CCDC141: variants seen among roughly 807,000 people sequenced by gnomAD.
The protein encoded by CCDC141 is coiled-coil domain-containing protein 141.
CCDC141 carries 168 observed loss-of-function variants against 181.0 expected under a neutral mutation model. That is an observed-to-expected ratio of 0.93 (90% CI 0.82 to 1.05). CCDC141 has a LOEUF of 1.05. CCDC141 is among the 50% of genes least tolerant of loss of function. The probability of loss-of-function intolerance (pLI) is 0.00; values close to 1 mark genes in which losing one functional copy is unlikely to be tolerated. For missense variants in CCDC141, 1,902 were observed against 1,788.5 expected (o/e 1.06, Z -1.14); for synonymous variants, 666 against 642.3 (o/e 1.04, Z -0.56).
At chr2:179,006,568 C>T (rs2042128463) in intron 2 of CCDC141, among the ~76,000 whole-genome samples, 1 of 152,216 alleles carries the variant, frequency 6.6e-6, no homozygotes. Context: ...TGAGTATTTA[C>T]CATTTGCAAG....
At chr2:178,966,952 G>A (rs1690667116) in intron 4 of CCDC141, among the ~76,000 whole-genome samples, 2 of 151,760 alleles carry the variant, frequency 1.3e-5, no homozygotes, top group Admixed American at 1.3e-4. Flanking sequence ...ACTTCGTGAA[G>A]CATACACAAG....
rs146638125 is a variant in CCDC141, at chr2:178,954,133, C to T, written c.780+7097G>A. Among the ~76,000 whole-genome samples, 3 of 152,264 alleles carry T rather than the reference C, an allele frequency of 2.0e-5. No homozygotes were observed. The East Asian group carries it at 5.8e-4, about 29-fold the overall frequency. On this transcript the variant is annotated intron_variant, in intron 5 of 23. Transcript: ENST00000443758. ...TTCTCCTAGACGTCCTTGACACTGT[C>T]GTGTACGCAGAGACCATGAATAGCT...
chr2:178,979,007 GA>G (rs1691248179), intron 2 of CCDC141, among the ~76,000 whole-genome samples: 1 of 152,020 alleles, frequency 6.6e-6, no homozygotes, highest in African/African-American at 2.4e-5. Context: ...AAAGTAATAA[GA>G]ACACACCCTG....
intron 8 of CCDC141, among the ~76,000 whole-genome samples, chr2:178,894,160 T>C (rs762665150): frequency 1.3e-5 from 2 of 152,104 alleles, no homozygotes; most frequent in Admixed American, 6.6e-5. Context: ...TCTTCTGGTT[T>C]CCTGACTGCA....
chr2:179,019,751 ATATTTATTATT>A (rs1265462321), intron 2 of CCDC141, among the ~76,000 whole-genome samples: 6 of 151,980 alleles, frequency 3.9e-5, no homozygotes, highest in African/African-American at 1.4e-4. Context: ...ATTTTTATAA[ATATTTATTATT>A]TATTTATTTT....
intron 5 of CCDC141, among the ~76,000 whole-genome samples, chr2:178,953,423 C>T (rs534063566): frequency 2.5e-4 from 37 of 147,032 alleles, no homozygotes; most frequent in Non-Finnish European, 4.8e-4. Context: ...GGCAACAGAG[C>T]GAGACTCCCT....
the CCDC141 span, among the ~76,000 whole-genome samples, chr2:178,816,130 C>A: frequency 6.6e-6 from 1 of 152,112 alleles, no homozygotes; most frequent in Non-Finnish European, 1.5e-5. Flanking sequence ...TGACATGTAT[C>A]CACCATTGCA....
At chr2:179,018,039 ACTT>A (rs1186555902) in intron 2 of CCDC141, among the ~76,000 whole-genome samples, 1 of 152,160 alleles carries the variant, frequency 6.6e-6, no homozygotes, top group African/African-American at 2.4e-5. Context: ...AAAAGACACT[ACTT>A]CCCTTTTGCT....
At position 179,015,371 on chromosome 2, in the gene CCDC141, T is replaced by TCATACATATCC. The variant is rs2042452806; in HGVS notation, c.225+31912_225+31913insGGATATGTATG. On this transcript the variant is annotated intron_variant, in intron 2 of 23. Coordinates refer to ENST00000443758, the MANE Select transcript of CCDC141 (RefSeq NM_173648.4). ...GTATCATACATATCCCATATATGTA[T>TCATACATATCC]CATATATATCTCATATATGTATCAT... Among the ~76,000 whole-genome samples, 7 of 140,352 alleles carry TCATACATATCC rather than the reference T, an allele frequency of 5.0e-5. No individual in the cohort carries two copies. The Admixed American group carries it at 5.3e-4, about 11-fold the overall frequency. 92.1% of individuals were successfully genotyped at this position (140,352 alleles called of 152,430 possible). A position where few individuals can be genotyped will look rare whatever the true frequency, so the allele number is the denominator to read the frequency against.
intron 2 of CCDC141, among the ~76,000 whole-genome samples, chr2:178,989,778 T>A: frequency 9.0e-6 from 1 of 111,096 alleles, no homozygotes; most frequent in East Asian, 2.7e-4. Context: ...AAAATGCAAA[T>A]CAAAAGTACA....
chr2:179,045,552 G>T (rs539666213), intron 2 of CCDC141, among the ~76,000 whole-genome samples: 134 of 152,082 alleles, frequency 8.8e-4, no homozygotes, highest in Non-Finnish European at 1.3e-3. Context: ...GGGTCAAATG[G>T]TATTTCTAGT....
intron 9 of CCDC141, 55 bp downstream of exon 9, chr2:178,888,472 C>A (rs1438358518): frequency 6.6e-7 from 1 of 1,505,416 alleles, no homozygotes; most frequent in Non-Finnish European, 9.0e-7. Flanking sequence ...TACTGCCCTA[C>A]CATATCATCT....
chr2:178,982,595 T>A (rs1472627244), intron 2 of CCDC141, among the ~76,000 whole-genome samples: 1 of 152,044 alleles, frequency 6.6e-6, no homozygotes, highest in Non-Finnish European at 1.5e-5. Context: ...GGGGCGCAGG[T>A]CAGTGGGTGC....
chr2:178,837,801 C>G, intron 22 of CCDC141, 57 bp from the exon 23 acceptor site: 1 of 1,537,702 alleles, frequency 6.5e-7, no homozygotes, highest in Non-Finnish European at 8.7e-7. Context: ...TTTCCAGTTT[C>G]AATTACAGTA....
rs1684897359 is a variant in CCDC141, at chr2:178,845,528, G to A, written c.3474+98C>T. On this transcript the variant is annotated intron_variant, in intron 22 of 23. Transcript: ENST00000443758. Reference sequence around the variant, plus strand: ...TACACTGGGAAATTCTATTTGGATAGATAAGAAAGCTGCAATTCACTTTTA... The same window carrying A: ...TACACTGGGAAATTCTATTTGGATAAATAAGAAAGCTGCAATTCACTTTTA... The A allele has an allele frequency of 5.6e-6, 4 of 714,294 alleles. No individual in the cohort carries two copies. In the South Asian group the frequency reaches 6.6e-5, roughly 12 times the overall value. The allele number at this position is 714,294 out of a possible 1,614,324, so 44.2% of individuals were successfully genotyped here.
chr2:178,869,793 T>C (rs11693006), intron 14 of CCDC141, among the ~76,000 whole-genome samples: 5,144 of 152,274 alleles, frequency 0.034, 138 homozygotes, highest in Middle Eastern at 0.054. Context: ...GCATAGTAGA[T>C]AGACTGCTTC....
chr2:178,936,559 G>A (rs759347920), intron 6 of CCDC141, among the ~76,000 whole-genome samples: 53 of 151,926 alleles, frequency 3.5e-4, no homozygotes, highest in Non-Finnish European at 6.6e-4. Context: ...TTTTTGTTTA[G>A]GATTGCCTTG....
intron 2 of CCDC141, among the ~76,000 whole-genome samples, chr2:178,982,407 A>G (rs1575300551): frequency 6.6e-6 from 1 of 152,212 alleles, no homozygotes; most frequent in Admixed American, 6.5e-5. Flanking sequence ...GAGGTGAAAG[A>G]CTTGTACATT....
chr2:178,959,427 G>C (rs1690300965), intron 5 of CCDC141, among the ~76,000 whole-genome samples: 1 of 152,150 alleles, frequency 6.6e-6, no homozygotes, highest in Admixed American at 6.6e-5. Flanking sequence ...GAGAGAGACA[G>C]ACAGCGAGGA....
Sources: gnomAD v4.1 joint callset for allele counts (sites outside exome capture counted in the v4.1 genomes callset) on GRCh38, gnomAD v4.1.1 for gene constraint, MANE v1.5 for transcripts, NCBI Gene and HGNC (gene_info 2026-07-23, HGNC 2026-07-21) for gene names.